AGTPBP1: variants seen among roughly 807,000 people sequenced by gnomAD.
AGTPBP1 encodes ATP/GTP binding carboxypeptidase 1.
Under a neutral mutation model 143.9 loss-of-function variants are expected in AGTPBP1, and 70 were observed. The observed-to-expected ratio is 0.49, with a 90% confidence interval of 0.40 to 0.59. The LOEUF (loss-of-function observed/expected upper bound fraction) is 0.59, where lower values mean the gene tolerates loss of function less well. AGTPBP1 is among the 20% of genes least tolerant of loss of function. AGTPBP1 has a pLI of 0.00. For missense variants in AGTPBP1, 1,229 were observed against 1,464.5 expected (o/e 0.84, Z 2.62); for synonymous variants, 463 against 500.2 (o/e 0.93, Z 0.99).
At chr9:85,695,427 C>A (rs1033656438) in intron 2 of AGTPBP1, among the ~76,000 whole-genome samples, 1 of 152,154 alleles carries the variant, frequency 6.6e-6, no homozygotes, top group Non-Finnish European at 1.5e-5. Flanking sequence ...AGGCCAAAGA[C>A]AATTTTCATA....
the AGTPBP1 span, chr9:85,753,254 T>C: frequency 6.2e-7 from 1 of 1,604,858 alleles, no homozygotes. Flanking sequence ...ATCAGTGTAC[T>C]TAATGGTCAG....
rs139793570 is a variant in AGTPBP1, at chr9:85,613,606, A to G, written c.2335+5377T>C. The stretch of plus-strand genomic sequence containing the variant: ...ACTGAGTTATAGAAAACTCTGAAAA[A>G]GTCCAAAAGCACCCCCTCTCACCCA... On this transcript the variant is annotated intron_variant, in intron 17 of 25. Coordinates refer to ENST00000357081, the MANE Select transcript of AGTPBP1 (RefSeq NM_001330701.2). Among the ~76,000 whole-genome samples the G allele has an allele frequency of 7.9e-3, 1,195 of 152,186 alleles. 20 individuals are homozygous for G. Among genetic ancestry groups the G allele is most frequent in the African/African-American group, 0.027 (1,126 of 41,570 alleles).
the AGTPBP1 span, among the ~76,000 whole-genome samples, chr9:85,790,791 T>C: frequency 2.4e-4 from 36 of 152,204 alleles, no homozygotes; most frequent in African/African-American, 8.4e-4. Flanking sequence ...TACAGTACTT[T>C]AAGAGGAAAA....
chr9:85,638,167 G>A (rs1832205584), intron 13 of AGTPBP1, among the ~76,000 whole-genome samples: 3 of 152,082 alleles, frequency 2.0e-5, no homozygotes, highest in Admixed American at 2.0e-4. Context: ...AGTCATGGTA[G>A]TTAGAATACT....
chr9:85,801,847 T>C, the AGTPBP1 span, among the ~76,000 whole-genome samples: 13 of 152,346 alleles, frequency 8.5e-5, no homozygotes, highest in Non-Finnish European at 1.9e-4. Flanking sequence ...ATTTTAGTAC[T>C]AGGGCTGCTA....
chr9:85,781,404 T>C, the AGTPBP1 span: 1 of 1,475,860 alleles, frequency 6.8e-7, no homozygotes, highest in East Asian at 2.6e-5. Context: ...ACACTGTTTC[T>C]CTAGCATTTG....
At chr9:85,618,227 C>T (rs548581592) in intron 17 of AGTPBP1, among the ~76,000 whole-genome samples, 1 of 137,618 alleles carries the variant, frequency 7.3e-6, no homozygotes, top group South Asian at 2.4e-4. Context: ...AGCAAAACTC[C>T]ATCTCAAAAA....
chr9:85,597,911 T>C (rs2133289417), intron 17 of AGTPBP1, among the ~76,000 whole-genome samples: 2 of 152,298 alleles, frequency 1.3e-5, no homozygotes, highest in Middle Eastern at 6.8e-3. Context: ...GTTCTTAAGA[T>C]GATCTTTCTT....
the AGTPBP1 span, among the ~76,000 whole-genome samples, chr9:85,763,133 A>G: frequency 6.6e-6 from 1 of 152,060 alleles, no homozygotes; most frequent in South Asian, 2.1e-4. Context: ...CAAACTCTCA[A>G]TCAAATGTGA....
At chr9:85,660,666 T>G (rs1175571234) in intron 9 of AGTPBP1, among the ~76,000 whole-genome samples, 1 of 152,136 alleles carries the variant, frequency 6.6e-6, no homozygotes, top group Non-Finnish European at 1.5e-5. Context: ...TAATGGATTT[T>G]TATGTTATCT....
At chr9:85,666,887 C>T (rs1299547462) in intron 8 of AGTPBP1, among the ~76,000 whole-genome samples, 1 of 152,080 alleles carries the variant, frequency 6.6e-6, no homozygotes, top group African/African-American at 2.4e-5. Context: ...CATACACACA[C>T]TACTACATTG....
chr9:85,660,963 C>A lies in AGTPBP1; in HGVS notation c.673G>T (p.Asp225Tyr). ...GATTTTAGCAATGCAGCAAGAGTGT[C>A]TAAAGCAACCCTGTCAACACAACAA... ...KNSSLIKVAL[D>Y]TLAALLKSKT... The change falls in exon 9 of 26, where the codon GAC becomes TAC. Residue 225 changes from aspartate to tyrosine, a missense_variant. This residue lies in a region of AGTPBP1 where 743 missense variants were observed against 812.2 expected (regional missense o/e 0.91). Coordinates refer to ENST00000357081, the MANE Select transcript of AGTPBP1 (RefSeq NM_001330701.2). The A allele has an allele frequency of 6.3e-7, 1 of 1,595,742 alleles. No individual in the cohort carries two copies. Among genetic ancestry groups the A allele is most frequent in the Non-Finnish European group, 8.5e-7 (1 of 1,172,712 alleles).
intron 23 of AGTPBP1, 89 bp downstream of exon 23, chr9:85,585,374 A>G: frequency 8.1e-7 from 1 of 1,232,406 alleles, no homozygotes; most frequent in Non-Finnish European, 1.1e-6. Flanking sequence ...GTCAATATTT[A>G]TTGAATGTGA....
intron 9 of AGTPBP1, among the ~76,000 whole-genome samples, chr9:85,659,485 G>A (rs923489570): frequency 4.6e-5 from 7 of 151,998 alleles, no homozygotes; most frequent in African/African-American, 1.7e-4. Context: ...ATAAACTGAA[G>A]TCATTCTACT....
At chr9:85,798,439 C>A in the AGTPBP1 span, among the ~76,000 whole-genome samples, 1 of 150,468 alleles carries the variant, frequency 6.6e-6, no homozygotes, top group Non-Finnish European at 1.5e-5. Context: ...GTGACCTCAG[C>A]TCACTGCAAC....
chr9:85,591,987 G>A (rs1828997384), intron 19 of AGTPBP1, among the ~76,000 whole-genome samples: 3 of 151,932 alleles, frequency 2.0e-5, no homozygotes, highest in Non-Finnish European at 4.4e-5. Flanking sequence ...AATCTCAAAA[G>A]GTTTCACACA....
rs758518169 is a variant in AGTPBP1, at chr9:85,633,058, T to C, written c.1619A>G (p.Gln540Arg). 17 of 1,614,196 alleles carry C rather than the reference T, an allele frequency of 1.1e-5. No homozygotes were observed. Among genetic ancestry groups the C allele is most frequent in the Non-Finnish European group, 1.4e-5 (16 of 1,180,020 alleles). ...IVKALDRITL[Q>R]NIPSQTAPGF... ...TGGGGCTGTTTGAGAAGGAATATTC[T>C]GCAATGTAATTCGGTCCAAGGCCTT... Residue 540 changes from glutamine to arginine, a missense_variant, in exon 14 of 26, where the codon CAG becomes CGG. By Grantham distance (43) the Gln-to-Arg change is conservative. Transcript: ENST00000357081.
intron 25 of AGTPBP1, among the ~76,000 whole-genome samples, chr9:85,567,527 G>C (rs1346271286): frequency 6.6e-6 from 1 of 152,216 alleles, no homozygotes; most frequent in Non-Finnish European, 1.5e-5. Flanking sequence ...GGGAGGCAGA[G>C]GTTGCAGTGA....
intron 2 of AGTPBP1, among the ~76,000 whole-genome samples, chr9:85,695,039 C>T (rs1306572564): frequency 6.6e-6 from 1 of 152,194 alleles, no homozygotes; most frequent in Non-Finnish European, 1.5e-5. Flanking sequence ...ATCATCATCT[C>T]TCACAGCCTA....
Sources: allele counts gnomAD v4.1 joint callset (sites outside exome capture counted in the v4.1 genomes callset), GRCh38; gene constraint gnomAD v4.1.1; regional missense constraint gnomAD v4.1.1; transcripts MANE v1.5; gene names NCBI Gene and HGNC (gene_info 2026-07-23, HGNC 2026-07-21).